Variants in RALGAPA2 observed in about 807,000 individuals in gnomAD.
RALGAPA2 encodes ral GTPase-activating protein subunit alpha-2.
In RALGAPA2, 139 loss-of-function variants were observed where a neutral mutation model predicts 230.4. The ratio of observed to expected loss-of-function variants is 0.60; its 90% CI spans 0.53 to 0.69. The LOEUF (loss-of-function observed/expected upper bound fraction) is 0.69, where lower values mean the gene tolerates loss of function less well. Among genes scored for constraint, RALGAPA2 ranks in the 30% least tolerant of loss-of-function variants. The pLI, the probability that RALGAPA2 is intolerant of heterozygous loss-of-function variation, is 0.00. For synonymous variants in RALGAPA2, 847 were observed against 837.8 expected (o/e 1.01, Z -0.19); for missense variants, 2,163 against 2,276.0 (o/e 0.95, Z 1.01).
chr20:20,569,782 T>C (rs1211575808), intron 23 of RALGAPA2, among the ~76,000 whole-genome samples: 1 of 152,110 alleles, frequency 6.6e-6, no homozygotes, highest in African/African-American at 2.4e-5. Context: ...TTCTAAAAAA[T>C]TCATTCTAAG....
intron 37 of RALGAPA2, among the ~76,000 whole-genome samples, chr20:20,426,808 C>T (rs567403169): frequency 2.6e-5 from 4 of 152,288 alleles, no homozygotes; most frequent in South Asian, 2.1e-4. Context: ...AAGTGAGCCC[C>T]CGGCCAGGCA....
At chr20:20,533,676 A>C (rs533245459) in intron 26 of RALGAPA2, among the ~76,000 whole-genome samples, 15 of 152,306 alleles carry the variant, frequency 9.8e-5, no homozygotes, top group African/African-American at 3.6e-4. Context: ...CCAACAAAGA[A>C]CTGGGCATTC....
intron 37 of RALGAPA2, among the ~76,000 whole-genome samples, chr20:20,463,787 C>G (rs1323435156): frequency 6.6e-6 from 1 of 152,178 alleles, no homozygotes; most frequent in African/African-American, 2.4e-5. Flanking sequence ...TCTTTGAATA[C>G]TCAGACATTA....
intron 27 of RALGAPA2, among the ~76,000 whole-genome samples, chr20:20,528,413 G>C (rs1464662805): frequency 1.3e-5 from 2 of 152,168 alleles, no homozygotes; most frequent in Non-Finnish European, 1.5e-5. Flanking sequence ...AGTATTGGCA[G>C]GGTGAGTGTG....
intron 3 of RALGAPA2, among the ~76,000 whole-genome samples, chr20:20,668,242 A>G (rs935220810): frequency 1.3e-5 from 2 of 152,126 alleles, no homozygotes; most frequent in African/African-American, 2.4e-5. Flanking sequence ...ATCTCTACTA[A>G]GAATACAAAA....
At chr20:20,590,612 A>G (rs537384284) in intron 17 of RALGAPA2, among the ~76,000 whole-genome samples, 5 of 152,342 alleles carry the variant, frequency 3.3e-5, no homozygotes, top group South Asian at 2.1e-4. Flanking sequence ...AGGTCAAACC[A>G]TCTGTCTCCC....
chr20:20,439,989 C>A (rs2060701099), intron 37 of RALGAPA2, among the ~76,000 whole-genome samples: 1 of 152,208 alleles, frequency 6.6e-6, no homozygotes, highest in Non-Finnish European at 1.5e-5. Context: ...ACTTAATGAA[C>A]CATTTCACAT....
At chr20:20,514,912 C>T (rs1319597348) in intron 31 of RALGAPA2, among the ~76,000 whole-genome samples, 1 of 152,216 alleles carries the variant, frequency 6.6e-6, no homozygotes, top group African/African-American at 2.4e-5. Context: ...TGCAGAGAAC[C>T]AGGAGCCAAG....
rs946762765 is a variant in RALGAPA2, at chr20:20,505,458, T to C, written c.5005A>G (p.Arg1669Gly). The change falls in exon 34 of 40, where the codon AGA becomes GGA. Residue 1669 changes from arginine to glycine, a missense_variant. Arg to Gly is a moderately radical substitution (Grantham distance 125). Coordinates refer to ENST00000202677, the MANE Select transcript of RALGAPA2 (RefSeq NM_020343.4). ...EDKCSILSNE[R>G]GSQAYEDFVA... is the part of the protein sequence containing the mutation. ...AAGTCTTCATATGCTTGGCTTCCTC[T>C]TTCATTAGAGAGGATTGAACACTTG... 4.4e-6 allele frequency: 7 copies of C among 1,603,042 alleles called. No individual in the cohort carries two copies. The African/African-American group carries it at 9.4e-5, about 21-fold the overall frequency.
chr20:20,498,242 G>C (rs567848895), intron 35 of RALGAPA2, among the ~76,000 whole-genome samples: 14 of 152,190 alleles, frequency 9.2e-5, no homozygotes, highest in Non-Finnish European at 1.6e-4. Context: ...GAAGAATGAT[G>C]AGTCTCCTTC....
In RALGAPA2 at chr20:20,495,222, T is replaced by C; in HGVS notation, c.5262A>G (p.Arg1754=). The change falls in exon 36 of 40, where the codon AGA becomes AGG. Residue 1754 remains arginine (R), a synonymous_variant. Coordinates refer to ENST00000202677, the MANE Select transcript of RALGAPA2 (RefSeq NM_020343.4). ...TTGGGATAATACCCCTGCGGTAGTC[T>C]CTGGAGTGTTCAGACCAGACGATAT... ...EVHIVWSEHS[R]DYRRGIIPTA... is the part of the protein sequence containing the mutation. 6.2e-7 allele frequency: 1 copy of C among 1,610,378 alleles called. No individual in the cohort carries two copies. Among genetic ancestry groups the C allele is most frequent in the Non-Finnish European group, 8.5e-7 (1 of 1,177,122 alleles).
chr20:20,665,184 A>G (rs890107781), intron 3 of RALGAPA2, among the ~76,000 whole-genome samples: 3 of 152,246 alleles, frequency 2.0e-5, no homozygotes, highest in African/African-American at 7.2e-5. Flanking sequence ...TATCCTAACA[A>G]TAAATAAACA....
intron 31 of RALGAPA2, among the ~76,000 whole-genome samples, chr20:20,515,951 T>C (rs2062858399): frequency 6.6e-6 from 1 of 152,100 alleles, no homozygotes; most frequent in East Asian, 1.9e-4. Flanking sequence ...CTGCGGCAGA[T>C]CTGGGTTCTG....
intron 1 of RALGAPA2, among the ~76,000 whole-genome samples, chr20:20,694,331 G>A (rs910288902): frequency 6.6e-5 from 10 of 152,150 alleles, no homozygotes; most frequent in African/African-American, 2.2e-4. Flanking sequence ...CAGTTTGCAG[G>A]TGGAATGACC....
Position 20,640,687 on chromosome 20 carries a change from C to T in RALGAPA2, c.550+14G>A, listed in dbSNP as rs1384346104. ...GAGTAATTTCAACATGGGAGATCTG[C>T]TAACATAACTTACCATCAGCTACAC... On this transcript the variant is annotated intron_variant, in intron 6 of 39. Transcript: ENST00000202677. 1.3e-6 allele frequency: 2 copies of T among 1,596,424 alleles called. No homozygotes were observed. Among genetic ancestry groups the T allele is most frequent in the Non-Finnish European group, 1.7e-6 (2 of 1,168,610 alleles).
In RALGAPA2 at chr20:20,640,744, G is replaced by C. The variant is rs892095341; in HGVS notation, c.507C>G (p.Cys169Trp). Residue 169 changes from cysteine (C) to tryptophan (W), a missense_variant, in exon 6 of 40, where the codon TGC becomes TGG. Cys to Trp is a radical substitution (Grantham distance 215, BLOSUM62 -2). Coordinates refer to ENST00000202677, the MANE Select transcript of RALGAPA2 (RefSeq NM_020343.4). ...FPAVMSSRGP[C>W]TLETLINPSP... ...TGGGATTGATGAGTGTCTCCAGTGT[G>C]CAAGGGCCCCTGGATGACATGACTG... 6 of 1,613,808 alleles carry C rather than the reference G, an allele frequency of 3.7e-6. No homozygotes were observed. In the African/African-American group the frequency reaches 6.7e-5, roughly 18 times the overall value.
At chr20:20,644,128 T>A (rs2067131792) in intron 4 of RALGAPA2, among the ~76,000 whole-genome samples, 1 of 152,174 alleles carries the variant, frequency 6.6e-6, no homozygotes, top group Non-Finnish European at 1.5e-5. Flanking sequence ...ACACTATTAC[T>A]AAGTCTTCTA....
intron 17 of RALGAPA2, 61 bp from the exon 18 acceptor site, chr20:20,589,426 G>T: frequency 6.8e-7 from 1 of 1,470,292 alleles, no homozygotes; most frequent in Non-Finnish European, 9.2e-7. Context: ...TAGTAAAACC[G>T]GAAAATGATT....
At chr20:20,587,885 G>A (rs1602956854) in intron 18 of RALGAPA2, among the ~76,000 whole-genome samples, 1 of 152,096 alleles carries the variant, frequency 6.6e-6, no homozygotes, top group East Asian at 1.9e-4. Context: ...AAACATATGG[G>A]AAGATTTTTA....
Sources: gnomAD v4.1 joint callset for allele counts (sites outside exome capture counted in the v4.1 genomes callset) on GRCh38, gnomAD v4.1.1 for gene constraint, MANE v1.5 for transcripts, NCBI Gene and HGNC (gene_info 2026-07-23, HGNC 2026-07-21) for gene names.